The following PCDHGA7 variants were observed in gnomAD, a reference collection of about 807,000 sequenced individuals.
PCDHGA7 encodes protocadherin gamma subfamily A, 7, also known as protocadherin gamma-A7.
Under a neutral mutation model 58.3 loss-of-function variants are expected in PCDHGA7, and 44 were observed. That is an observed-to-expected ratio of 0.75 (90% CI 0.59 to 0.97). The LOEUF is 0.97. Ranked by LOEUF, PCDHGA7 falls within the 50% of genes least tolerant of loss-of-function variation. The pLI is 0.00. For synonymous variants in PCDHGA7, 516 were observed against 504.2 expected (o/e 1.02, Z -0.31); for missense variants, 1,266 against 1,188.7 (o/e 1.06, Z -0.96).
intron 1 of PCDHGA7, chr5:141,409,280 T>C (rs1277414418): frequency 6.2e-7 from 1 of 1,613,904 alleles, no homozygotes; most frequent in Non-Finnish European, 8.5e-7. Context: ...TTTGGAGAAT[T>C]CACCTCCAGG....
chr5:141,389,490 G>T, intron 1 of PCDHGA7: 1 of 1,613,044 alleles, frequency 6.2e-7, no homozygotes, highest in South Asian at 1.1e-5. Flanking sequence ...CCGCGACCAG[G>T]GCTCGCCAGC....
intron 1 of PCDHGA7, among the ~76,000 whole-genome samples, chr5:141,438,587 CATACATATATATATATATATATATATAT>C (rs1267620600): frequency 1.4e-5 from 1 of 73,428 alleles, no homozygotes; most frequent in Non-Finnish European, 2.6e-5. Context: ...TACATACATA[CATACATATATATATATATATATATATAT>C]ATATATATAT....
intron 2 of PCDHGA7, among the ~76,000 whole-genome samples, chr5:141,502,048 ACTTTATTCC>A (rs1055762924): frequency 6.6e-5 from 10 of 151,746 alleles, no homozygotes; most frequent in African/African-American, 2.4e-4. Context: ...TGCTCTCCCT[ACTTTATTCC>A]CATTAGCCCC....
At chr5:141,405,179 G>A (rs2094620573) in intron 1 of PCDHGA7, 1 of 1,614,028 alleles carries the variant, frequency 6.2e-7, no homozygotes, top group South Asian at 1.1e-5. Context: ...CTTTGTGGGT[G>A]TAGATGGGGT....
At chr5:141,394,802 C>G (rs773531449) in intron 1 of PCDHGA7, 1 of 1,613,810 alleles carries the variant, frequency 6.2e-7, no homozygotes, top group South Asian at 1.1e-5. Context: ...TCACCGTAGC[C>G]GTGGCTGACA....
intron 1 of PCDHGA7, chr5:141,415,045 G>C: frequency 6.2e-7 from 1 of 1,613,538 alleles, no homozygotes; most frequent in Non-Finnish European, 8.5e-7. Flanking sequence ...CTTCGCGGTG[G>C]GGGAGCACAC....
At chr5:141,462,121 T>A (rs977258025) in intron 1 of PCDHGA7, among the ~76,000 whole-genome samples, 2 of 151,730 alleles carry the variant, frequency 1.3e-5, no homozygotes, top group Non-Finnish European at 2.9e-5. Context: ...CTGCACCCAG[T>A]CCAATTTTTT....
rs138149681 is a variant in PCDHGA7, at chr5:141,486,735, G to A, written c.2425-8072G>A. Reference sequence around the variant, plus strand: ...CAGACAGGAGCTGTTCATGCTACTCGATCCTTTGACTATGAGCAAACCCAG... The same window carrying A: ...CAGACAGGAGCTGTTCATGCTACTCAATCCTTTGACTATGAGCAAACCCAG... On this transcript the variant is annotated intron_variant, in intron 1 of 3. Transcript: ENST00000518325. The surrounding 1 kb of genome is among the most constrained non-coding windows in gnomAD (Gnocchi z 5.0). 3.1e-4 allele frequency: 502 copies of A among 1,614,174 alleles called. 1 individual carries two copies. Among genetic ancestry groups the A allele is most frequent in the South Asian group, 1.8e-3 (161 of 91,086 alleles).
intron 1 of PCDHGA7, among the ~76,000 whole-genome samples, chr5:141,455,574 C>T (rs1214642742): frequency 6.6e-6 from 1 of 152,158 alleles, no homozygotes; most frequent in Non-Finnish European, 1.5e-5. Flanking sequence ...CCTCCCACCC[C>T]AGCCTTTTAA....
rs1594666821 is a variant in PCDHGA7, at chr5:141,487,316, T to C, written c.2425-7491T>C. 6.2e-7 allele frequency: 1 copy of C among 1,614,164 alleles called. No individual in the cohort carries two copies. Among genetic ancestry groups the C allele is most frequent in the South Asian group, 1.1e-5 (1 of 91,080 alleles). On this transcript the variant is annotated intron_variant, in intron 1 of 3. Coordinates refer to ENST00000518325, the MANE Select transcript of PCDHGA7 (RefSeq NM_018920.4). This position sits in a 1 kb window ranked among gnomAD's most constrained non-coding sequence, Gnocchi z 5.0. ...CTCATTCGTGGCACTACTCTCTAAG[T>C]GTCTTCGTGGGGCAGCCTGTGGAGT... is the stretch of plus-strand genomic sequence containing the variant.
At position 141,476,140 on chromosome 5, in the gene PCDHGA7, C is replaced by A. The variant is rs1410430310; in HGVS notation, c.2425-18667C>A. On this transcript the variant is annotated intron_variant, in intron 1 of 3. Coordinates refer to ENST00000518325, the MANE Select transcript of PCDHGA7 (RefSeq NM_018920.4). The surrounding 1 kb of genome is among the most constrained non-coding windows in gnomAD (Gnocchi z 7.6). ...AGATGGTCCCAGAGGCCTGGAGGAG[C>A]GGACTGGTAAGCACCGGGAGGGTAG... 6 of 1,609,222 alleles carry A rather than the reference C, an allele frequency of 3.7e-6. No homozygotes were observed. The highest frequency in any genetic ancestry group is 5.1e-6 in the Non-Finnish European group (6 of 1,178,484).
chr5:141,384,352 G>T lies in PCDHGA7; in HGVS notation c.1453G>T (p.Ala485Ser). The change falls in exon 1 of 4, where the codon GCC becomes TCC. Residue 485 changes from alanine to serine, a missense_variant. By Grantham distance (99) the Ala-to-Ser change is moderately conservative. Transcript: ENST00000518325. ...TAQDHDSEDN[A>S]QITYSLAEDT... ...ACAGGACCACGACAGTGAGGATAAT[G>T]CCCAGATCACTTATTCCTTGGCCGA... 1 of 1,613,842 alleles carries T rather than the reference G, an allele frequency of 6.2e-7. No individual in the cohort carries two copies. The highest frequency in any genetic ancestry group is 8.5e-7 in the Non-Finnish European group (1 of 1,179,890).
Position 141,385,173 on chromosome 5 carries a change from C to A in PCDHGA7, c.2274C>A (p.Ser758=). ...TGCAGACCTATTCCCATGAGGTCTC[C>A]CTCACCGCGGACTCTCGGAAGAGTC... ...AFLQTYSHEV[S]LTADSRKSHL... The change falls in exon 1 of 4, where the codon TCC becomes TCA. Residue 758 remains serine, a synonymous_variant. Transcript: ENST00000518325. 1 of 1,614,188 alleles carries A rather than the reference C, an allele frequency of 6.2e-7. No individual in the cohort carries two copies.
chr5:141,491,284 A>C lies in PCDHGA7; in HGVS notation c.2425-3523A>C. ...AATGCCCAAATCCAGTGACTTCCTC[A>C]TACACCCTCCTGAGCGTTCAGACCT... On this transcript the variant is annotated intron_variant, in intron 1 of 3. Transcript: ENST00000518325. The surrounding 1 kb of genome is among the most constrained non-coding windows in gnomAD (Gnocchi z 6.9). 1.2e-6 allele frequency: 2 copies of C among 1,614,128 alleles called. No homozygotes were observed. The highest frequency in any genetic ancestry group is 1.7e-6 in the Non-Finnish European group (2 of 1,179,978).
At chr5:141,418,769 C>A (rs1488222030) in intron 1 of PCDHGA7, 2 of 1,613,828 alleles carry the variant, frequency 1.2e-6, no homozygotes, top group East Asian at 4.5e-5. Flanking sequence ...CATTCTAACT[C>A]AGCAGCCTTT....
chr5:141,478,856 T>G (rs1372487685), intron 1 of PCDHGA7: 2 of 1,353,224 alleles, frequency 1.5e-6, no homozygotes, highest in Non-Finnish European at 2.0e-6. Flanking sequence ...AAACACAAGA[T>G]CTCAGCGATC....
intron 1 of PCDHGA7, chr5:141,418,940 C>T (rs867717378): frequency 5.6e-6 from 9 of 1,614,010 alleles, no homozygotes; most frequent in Non-Finnish European, 7.6e-6. Flanking sequence ...GGAGGATTCC[C>T]CTCCAGGAGT....
chr5:141,453,888 C>T (rs1273180395), intron 1 of PCDHGA7, among the ~76,000 whole-genome samples: 2 of 152,198 alleles, frequency 1.3e-5, no homozygotes, highest in East Asian at 1.9e-4. Flanking sequence ...TGTGGCCAAT[C>T]ACATGACTTC....
intron 1 of PCDHGA7, chr5:141,478,925 G>T: frequency 1.4e-6 from 1 of 700,562 alleles, no homozygotes; most frequent in Non-Finnish European, 2.2e-6. Context: ...TCTAACCAGT[G>T]GCAGCTTCTA....
Sources: allele counts gnomAD v4.1 joint callset (sites outside exome capture counted in the v4.1 genomes callset), GRCh38; gene constraint gnomAD v4.1.1; non-coding constraint Gnocchi (gnomAD v3.1); transcripts MANE v1.5; gene names NCBI Gene and HGNC (gene_info 2026-07-23, HGNC 2026-07-21).